The following UIMC1 variants were observed in gnomAD, a reference collection of about 807,000 sequenced individuals.
The protein encoded by UIMC1 is ubiquitin interaction motif containing 1, also known as BRCA1-A complex subunit RAP80.
Under a neutral mutation model 84.9 loss-of-function variants are expected in UIMC1, and 42 were observed. The observed-to-expected ratio is 0.49, with a 90% CI of 0.39 to 0.64. The LOEUF (loss-of-function observed/expected upper bound fraction) is 0.64. UIMC1 is among the 30% of genes least tolerant of loss of function. The probability of loss-of-function intolerance (pLI) is 0.00; values close to 1 mark genes in which losing one functional copy is unlikely to be tolerated. For missense variants in UIMC1, 825 were observed against 847.6 expected, an observed-to-expected ratio of 0.97 and a Z score of 0.33; for synonymous variants, 281 against 293.0, an observed-to-expected ratio of 0.96 and a Z score of 0.42.
intron 10 of UIMC1, among the ~76,000 whole-genome samples, chr5:176,929,023 G>T (rs1049434896): frequency 1.3e-5 from 2 of 152,114 alleles, no homozygotes; most frequent in Non-Finnish European, 2.9e-5. Flanking sequence ...GGAGGCCAAG[G>T]CGGGTAGATT....
chr5:177,011,618 C>G (rs1775549845), upstream of UIMC1, among the ~76,000 whole-genome samples: 1 of 151,008 alleles, frequency 6.6e-6, no homozygotes, highest in South Asian at 2.1e-4. Context: ...ATAATAAACT[C>G]TTAGAAGAAA....
chr5:176,912,019 T>C (rs1233156744), intron 10 of UIMC1, among the ~76,000 whole-genome samples: 3 of 152,258 alleles, frequency 2.0e-5, no homozygotes, highest in Non-Finnish European at 4.4e-5. Context: ...GGAGGTTATT[T>C]AATCAAGTGT....
intron 10 of UIMC1, among the ~76,000 whole-genome samples, chr5:176,925,909 G>C (rs1762335155): frequency 6.6e-6 from 1 of 152,110 alleles, no homozygotes; most frequent in Admixed American, 6.6e-5. Context: ...TTCATGATTT[G>C]CATGCTTAAG....
At chr5:177,014,168 T>G (rs368397112) in intron 1 of UIMC1, among the ~76,000 whole-genome samples, 1 of 148,678 alleles carries the variant, frequency 6.7e-6, no homozygotes, top group African/African-American at 2.5e-5. Flanking sequence ...TTCTCCTGCC[T>G]CAGCCTCCCA....
chr5:176,905,595 T>A, intron 14 of UIMC1, 103 bp from the exon 15 acceptor site: 1 of 1,065,834 alleles, frequency 9.4e-7, no homozygotes, highest in Non-Finnish European at 1.3e-6. Context: ...GGATTATTAG[T>A]ACAAATAATC....
In UIMC1 at chr5:176,976,895, G is replaced by A. The variant is rs192058028; in HGVS notation, c.148-1415C>T. Among the ~76,000 whole-genome samples, 75 of 152,280 alleles carry A rather than the reference G, an allele frequency of 4.9e-4. 1 individual carries two copies. The East Asian group carries it at 0.01, about 21-fold the overall frequency. On this transcript the variant is annotated intron_variant, in intron 2 of 14. Transcript: ENST00000511320. ...CAGTATAGTGTGGGGTGAGGCTGACGAGGGCAGTGGCCATGGAGGGTAAAA... is the reference window on the plus strand; with the variant it reads ...CAGTATAGTGTGGGGTGAGGCTGACAAGGGCAGTGGCCATGGAGGGTAAAA...
intron 2 of UIMC1, among the ~76,000 whole-genome samples, chr5:176,981,943 C>A (rs1327724091): frequency 6.6e-6 from 1 of 152,144 alleles, no homozygotes; most frequent in Non-Finnish European, 1.5e-5. Flanking sequence ...AATCTTTATT[C>A]CGGAGAATAA....
chr5:177,009,218 A>G (rs535338604), upstream of UIMC1, among the ~76,000 whole-genome samples: 2 of 152,026 alleles, frequency 1.3e-5, no homozygotes, highest in East Asian at 3.9e-4. This position sits in a 1 kb window ranked among gnomAD's most constrained non-coding sequence, Gnocchi z 4.3. Context: ...TTATGTGCCC[A>G]GGCTGGTCTC....
chr5:176,931,757 C>A (rs1486142571), intron 10 of UIMC1, among the ~76,000 whole-genome samples: 7 of 152,092 alleles, frequency 4.6e-5, no homozygotes, highest in African/African-American at 9.7e-5. Flanking sequence ...GAGGCCAAGG[C>A]AGATGGATCA....
intron 1 of UIMC1, among the ~76,000 whole-genome samples, chr5:177,003,320 T>C (rs2149544136): frequency 6.6e-6 from 1 of 152,242 alleles, no homozygotes; most frequent in East Asian, 1.9e-4. Flanking sequence ...GTAATTGTAA[T>C]ATAAAAGGAT....
rs1020354119 is a variant in UIMC1 at position 176,995,799 on chromosome 5, T to C, written c.-9+10851A>G. ...CAGAGGTTGCGGTGAGCCGAGATCATGCCATTGCACTCCAGCCTGGGCAAC... is the reference window on the plus strand; with the variant it reads ...CAGAGGTTGCGGTGAGCCGAGATCACGCCATTGCACTCCAGCCTGGGCAAC... On this transcript the variant is annotated intron_variant, in intron 1 of 14. Transcript: ENST00000511320. Among the ~76,000 whole-genome samples, 19 of 130,662 alleles carry C rather than the reference T, an allele frequency of 1.5e-4. No homozygotes were observed. The East Asian group carries it at 4.0e-3, about 27-fold the overall frequency. The allele number at this position is 130,662 out of a possible 152,430, so 85.7% of individuals were successfully genotyped here.
At chr5:176,931,788 C>T (rs908417926) in intron 10 of UIMC1, among the ~76,000 whole-genome samples, 3 of 152,032 alleles carry the variant, frequency 2.0e-5, no homozygotes, top group African/African-American at 7.2e-5. Context: ...AGTTCAAGAC[C>T]AGCCTGGCCA....
At chr5:176,967,951 T>C (rs1768559453) in intron 6 of UIMC1, among the ~76,000 whole-genome samples, 1 of 151,046 alleles carries the variant, frequency 6.6e-6, no homozygotes, top group African/African-American at 2.4e-5. Context: ...ATGGTTTATC[T>C]ATGGTAGAAT....
intron 1 of UIMC1, among the ~76,000 whole-genome samples, chr5:177,014,536 T>C (rs1405846806): frequency 6.6e-6 from 1 of 152,086 alleles, no homozygotes; most frequent in Admixed American, 6.6e-5. Flanking sequence ...GGAAGTTGAA[T>C]GAGTTTGTCA....
chr5:176,997,616 C>T (rs1363185219), intron 1 of UIMC1, among the ~76,000 whole-genome samples: 5 of 144,430 alleles, frequency 3.5e-5, no homozygotes, highest in African/African-American at 5.1e-5. Flanking sequence ...ACCCAGGAGA[C>T]GGAGCTTGCA....
intron 10 of UIMC1, among the ~76,000 whole-genome samples, chr5:176,913,182 G>T (rs1188682748): frequency 6.6e-6 from 1 of 152,144 alleles, no homozygotes; most frequent in African/African-American, 2.4e-5. Context: ...ATCATCAAAG[G>T]AAGAACTATA....
intron 10 of UIMC1, among the ~76,000 whole-genome samples, chr5:176,916,277 A>G (rs528518452): frequency 1.6e-3 from 247 of 152,356 alleles, no homozygotes; most frequent in African/African-American, 5.7e-3. Flanking sequence ...TACAACTATC[A>G]GGGAAAGGTA....
chr5:176,958,200 C>G, intron 6 of UIMC1, 46 bp from the exon 7 acceptor site: 1 of 1,507,588 alleles, frequency 6.6e-7, no homozygotes, highest in Non-Finnish European at 9.1e-7. Flanking sequence ...CACAGGTGAA[C>G]TGGCTTCTCT....
intron 9 of UIMC1, among the ~76,000 whole-genome samples, chr5:176,947,749 T>C (rs543419647): frequency 3.3e-5 from 5 of 149,712 alleles, no homozygotes; most frequent in South Asian, 2.1e-4. Context: ...ACCCGGGAGG[T>C]GGAGCTTGCA....
Sources: gnomAD v4.1 joint callset for allele counts (sites outside exome capture counted in the v4.1 genomes callset) on GRCh38, gnomAD v4.1.1 for gene constraint, Gnocchi (gnomAD v3.1) non-coding constraint, MANE v1.5 for transcripts, NCBI Gene and HGNC (gene_info 2026-07-23, HGNC 2026-07-21) for gene names.